PARD3B: variants seen among roughly 807,000 people sequenced by gnomAD.
The protein encoded by PARD3B is partitioning defective 3 homolog B.
Under a neutral mutation model 130.2 loss-of-function variants are expected in PARD3B, and 103 were observed. The ratio of observed to expected loss-of-function variants is 0.79; its 90% CI spans 0.67 to 0.93. The LOEUF (loss-of-function observed/expected upper bound fraction) is 0.93, where lower values mean the gene tolerates loss of function less well. PARD3B is among the 40% of genes least tolerant of loss of function. The pLI, the probability that PARD3B is intolerant of heterozygous loss-of-function variation, is 0.00. For missense variants in PARD3B, 1,609 were observed against 1,499.2 expected (o/e 1.07, Z -1.21); for synonymous variants, 583 against 553.2 (o/e 1.05, Z -0.76).
intron 22 of PARD3B, among the ~76,000 whole-genome samples, chr2:205,574,199 A>C (rs1234080664): frequency 1.3e-5 from 2 of 152,216 alleles, no homozygotes; most frequent in Non-Finnish European, 2.9e-5. Flanking sequence ...CCTGGTGAGA[A>C]CCTCATTCTT....
In PARD3B at chr2:205,172,223, C is replaced by T. The variant is rs772035395; in HGVS notation, c.1633C>T (p.Arg545Ter). 12 of 1,613,854 alleles carry T rather than the reference C, an allele frequency of 7.4e-6. No individual in the cohort carries two copies. The highest frequency in any genetic ancestry group is 4.4e-5 in the South Asian group (4 of 91,080). The change falls in exon 12 of 23, where the codon CGA becomes TGA. Residue 545 changes from arginine (R) to a stop codon, truncating the protein, a stop_gained. Transcript: ENST00000406610. LOFTEE classifies it high-confidence loss of function. ...GGAAFKDGRLRMNDQLIAVNG... is the reference protein window; with the variant it reads ...GGAAFKDGRL ...TCTTCTGCCTTAGGATGGTCGTCTG[C>T]GAATGAATGACCAGCTGATTGCAGT...
intron 21 of PARD3B, among the ~76,000 whole-genome samples, chr2:205,520,596 T>TAA (rs2051002079): frequency 6.6e-6 from 1 of 152,122 alleles, no homozygotes; most frequent in East Asian, 1.9e-4. Context: ...AGGTAATTGG[T>TAA]AAAAGTGTTA....
intron 2 of PARD3B, 133 bp from the exon 3 acceptor site, chr2:204,965,019 A>T: frequency 4.3e-6 from 3 of 690,354 alleles, no homozygotes; most frequent in Non-Finnish European, 7.1e-6. Flanking sequence ...GAGTTGTGGT[A>T]TAGTAACATT....
intron 2 of PARD3B, among the ~76,000 whole-genome samples, chr2:204,947,076 C>T (rs1689386557): frequency 6.6e-6 from 1 of 152,114 alleles, no homozygotes; most frequent in Non-Finnish European, 1.5e-5. Context: ...TTAATCTCAT[C>T]CAGAAACACC....
chr2:204,802,189 C>T (rs1249531403), intron 2 of PARD3B, among the ~76,000 whole-genome samples: 1 of 152,094 alleles, frequency 6.6e-6, no homozygotes, highest in Non-Finnish European at 1.5e-5. Flanking sequence ...AGGATATGAA[C>T]AGGCACTTCT....
intron 15 of PARD3B, among the ~76,000 whole-genome samples, chr2:205,199,806 A>G (rs1318588983): frequency 6.6e-6 from 1 of 152,126 alleles, no homozygotes; most frequent in African/African-American, 2.4e-5. Flanking sequence ...TGTGCACTAA[A>G]AGGCTTGTGA....
intron 2 of PARD3B, among the ~76,000 whole-genome samples, chr2:204,704,003 A>G (rs1172595634): frequency 6.6e-6 from 1 of 152,160 alleles, no homozygotes; most frequent in Non-Finnish European, 1.5e-5. Context: ...TGATTTGTCA[A>G]ATTTTTCCAG....
Position 204,943,282 on chromosome 2 carries a change from G to A in PARD3B, c.223-21870G>A, listed in dbSNP as rs1476592414. On this transcript the variant is annotated intron_variant, in intron 2 of 22. Transcript: ENST00000406610. This position sits in a 1 kb window ranked among gnomAD's most constrained non-coding sequence, Gnocchi z 4.2. ...ACCTAATTATTTTCTCTCCTAAAAG[G>A]ACGGTGACTGGAAAGATCGCATAGG... is the stretch of plus-strand genomic sequence containing the variant. 6.6e-6 allele frequency among the ~76,000 whole-genome samples: 1 copy of A among 151,836 alleles called. No individual in the cohort carries two copies. Among genetic ancestry groups the A allele is most frequent in the Non-Finnish European group, 1.5e-5 (1 of 67,986 alleles).
intron 4 of PARD3B, among the ~76,000 whole-genome samples, chr2:205,071,393 C>G (rs1700721896): frequency 6.6e-6 from 1 of 152,144 alleles, no homozygotes; most frequent in South Asian, 2.1e-4. Context: ...CATCTTGTTC[C>G]TGAGAACAAA....
intron 2 of PARD3B, among the ~76,000 whole-genome samples, chr2:204,694,698 G>C (rs1209094549): frequency 6.6e-6 from 1 of 152,066 alleles, no homozygotes; most frequent in African/African-American, 2.4e-5. Flanking sequence ...ATAGTGTCAA[G>C]AGATAGTAAC....
intron 4 of PARD3B, among the ~76,000 whole-genome samples, chr2:205,089,978 A>C (rs958517992): frequency 1.3e-5 from 2 of 152,194 alleles, no homozygotes; most frequent in Admixed American, 6.5e-5. Flanking sequence ...ATCTGCTTTG[A>C]TTGCCTCACA....
intron 1 of PARD3B, among the ~76,000 whole-genome samples, chr2:204,573,684 C>T (rs554136229): frequency 1.2e-4 from 19 of 152,228 alleles, no homozygotes; most frequent in African/African-American, 4.1e-4. Context: ...TCAGAGTGTC[C>T]CCGATGCCCT....
rs1248554917 is a variant in PARD3B at position 205,405,257 on chromosome 2, T to C, written c.2741+4134T>C. ...CTATGTCTGGAGATATTTTTGATTG[T>C]CATAACTCGGGAAGAGGGGTGAGCA... On this transcript the variant is annotated intron_variant, in intron 19 of 22. Coordinates refer to ENST00000406610, the MANE Select transcript of PARD3B (RefSeq NM_001302769.2). This position sits in a 1 kb window ranked among gnomAD's most constrained non-coding sequence, Gnocchi z 4.1. Among the ~76,000 whole-genome samples, 1 of 152,152 alleles carries C rather than the reference T, an allele frequency of 6.6e-6. No homozygotes were observed. Among genetic ancestry groups the C allele is most frequent in the Non-Finnish European group, 1.5e-5 (1 of 68,026 alleles).
In PARD3B at chr2:205,422,234, A is replaced by G. The variant is rs138719785; in HGVS notation, c.2742-18136A>G. ...AGAGCTAATCAGGCCTGAGGCAAATAAAGCTTTGTAATTGGAGTTGAATAA... is the reference window on the plus strand; with the variant it reads ...AGAGCTAATCAGGCCTGAGGCAAATGAAGCTTTGTAATTGGAGTTGAATAA... On this transcript the variant is annotated intron_variant, in intron 19 of 22. Coordinates refer to ENST00000406610, the MANE Select transcript of PARD3B (RefSeq NM_001302769.2). 2.5e-3 allele frequency among the ~76,000 whole-genome samples: 374 copies of G among 152,262 alleles called. 7 individuals are homozygous for G. Among genetic ancestry groups the G allele is most frequent in the African/African-American group, 8.6e-3 (358 of 41,550 alleles).
chr2:204,728,689 AT>A (rs1446554439), intron 2 of PARD3B, among the ~76,000 whole-genome samples: 1 of 152,168 alleles, frequency 6.6e-6, no homozygotes, highest in Admixed American at 6.5e-5. Context: ...TATTTTTCAA[AT>A]GGGAAAATCA....
chr2:204,750,753 C>T (rs994396461), intron 2 of PARD3B, among the ~76,000 whole-genome samples: 1 of 152,126 alleles, frequency 6.6e-6, no homozygotes, highest in African/African-American at 2.4e-5. Context: ...TACTATCCTC[C>T]TTTCAAGTGC....
At position 205,208,668 on chromosome 2, in the gene PARD3B, G is replaced by T. The variant is rs1251019167; in HGVS notation, c.2140+15348G>T. Among the ~76,000 whole-genome samples, 8 of 143,154 alleles carry T rather than the reference G, an allele frequency of 5.6e-5. 1 individual carries two copies. In the South Asian group the frequency reaches 1.3e-3, roughly 24 times the overall value. The allele number at this position is 143,154 out of a possible 152,430, so 93.9% of individuals were successfully genotyped here. On this transcript the variant is annotated intron_variant, in intron 15 of 22. Transcript: ENST00000406610. ...CTAGGAATCCAACTTACAAGGGATG[G>T]GAAGGACCTCTTCAAGGAGAACTAC...
At chr2:204,822,800 G>T (rs554130240) in intron 2 of PARD3B, among the ~76,000 whole-genome samples, 6 of 152,196 alleles carry the variant, frequency 3.9e-5, no homozygotes, top group Admixed American at 6.5e-5. Context: ...GATGGCCTTT[G>T]AGAGAATCTT....
intron 19 of PARD3B, among the ~76,000 whole-genome samples, chr2:205,418,438 G>C (rs949408531): frequency 3.0e-5 from 2 of 67,032 alleles, no homozygotes; most frequent in African/African-American, 1.2e-4. Flanking sequence ...GGAGAGAGCA[G>C]AGAGACCAAT....
Sources: gnomAD v4.1 joint callset for allele counts (sites outside exome capture counted in the v4.1 genomes callset) on GRCh38, gnomAD v4.1.1 for gene constraint, Gnocchi (gnomAD v3.1) non-coding constraint, MANE v1.5 for transcripts, NCBI Gene and HGNC (gene_info 2026-07-23, HGNC 2026-07-21) for gene names.